Variants in MYT1 observed in about 807,000 individuals in gnomAD.
The protein encoded by MYT1 is myelin transcription factor 1.
Under a neutral mutation model 123.0 loss-of-function variants are expected in MYT1, and 23 were observed. The ratio of observed to expected loss-of-function variants is 0.19; its 90% CI spans 0.13 to 0.26. The LOEUF is 0.26. Ranked by LOEUF, MYT1 falls within the 10% of genes least tolerant of loss-of-function variation. MYT1 has a pLI of 1.00. For missense variants in MYT1, 1,125 were observed against 1,472.5 expected (o/e 0.76, Z 3.86); for synonymous variants, 518 against 575.3 (o/e 0.90, Z 1.43).
intron 2 of MYT1, among the ~76,000 whole-genome samples, chr20:64,198,614 C>G (rs1983201327): frequency 6.6e-6 from 1 of 152,210 alleles, no homozygotes; most frequent in Admixed American, 6.5e-5. Context: ...ACCCTCCTTG[C>G]CAAGGCCGGG....
At chr20:64,194,063 A>T (rs1983038170) in intron 2 of MYT1, among the ~76,000 whole-genome samples, 1 of 152,202 alleles carries the variant, frequency 6.6e-6, no homozygotes, top group African/African-American at 2.4e-5. Flanking sequence ...GGTTTCAGAG[A>T]TGTTTCTGAC....
chr20:64,205,628 G>A lies in MYT1; in HGVS notation c.225G>A (p.Lys75=). The change falls in exon 6 of 23, where the codon AAG becomes AAA. Residue 75 remains lysine (K), a synonymous_variant. Coordinates refer to ENST00000328439, the MANE Select transcript of MYT1 (RefSeq NM_004535.3). The stretch of plus-strand genomic sequence containing the variant: ...CTGAGCACCTGGTGTCCAAGAGGAA[G>A]TCACACCCCCTGAAGCTGGCTCTGG... ...AEAEHLVSKR[K]SHPLKLALDE... 6.2e-7 allele frequency: 1 copy of A among 1,614,228 alleles called. No individual in the cohort carries two copies. The highest frequency in any genetic ancestry group is 8.5e-7 in the Non-Finnish European group (1 of 1,180,046).
chr20:64,222,186 C>A, intron 14 of MYT1, 139 bp downstream of exon 14: 1 of 862,464 alleles, frequency 1.2e-6, no homozygotes, highest in Non-Finnish European at 1.8e-6. Context: ...GCCAGGCAGC[C>A]TGTGACAGGA....
At chr20:64,177,059 G>T (rs1358022269) in intron 1 of MYT1, among the ~76,000 whole-genome samples, 1 of 152,176 alleles carries the variant, frequency 6.6e-6, no homozygotes, top group African/African-American at 2.4e-5. Flanking sequence ...AGACAGCCTG[G>T]GTGAAAGGTC....
At chr20:64,176,949 T>C (rs567262958) in intron 1 of MYT1, among the ~76,000 whole-genome samples, 16 of 152,350 alleles carry the variant, frequency 1.1e-4, no homozygotes, top group African/African-American at 3.6e-4. Flanking sequence ...TTTACAGCGT[T>C]GGTAAGGTTA....
intron 19 of MYT1, among the ~76,000 whole-genome samples, chr20:64,235,980 G>A (rs545956159): frequency 7.1e-6 from 1 of 140,224 alleles, no homozygotes; most frequent in Admixed American, 6.9e-5. Flanking sequence ...GGATGGCCGC[G>A]GTGGGTGACC....
chr20:64,201,288 A>C (rs1033478222), intron 4 of MYT1, among the ~76,000 whole-genome samples: 3 of 152,232 alleles, frequency 2.0e-5, no homozygotes, highest in Non-Finnish European at 2.9e-5. Context: ...GGACCTGTCC[A>C]GTCTAAGTGA....
intron 6 of MYT1, 86 bp from the exon 7 acceptor site, chr20:64,207,508 G>A (rs1983515377): frequency 6.5e-7 from 1 of 1,538,050 alleles, no homozygotes. Context: ...AGGTCAGGTG[G>A]AGGGGTGGTG....
At chr20:64,181,640 C>T (rs1004990380) in intron 1 of MYT1, among the ~76,000 whole-genome samples, 1 of 152,156 alleles carries the variant, frequency 6.6e-6, no homozygotes, top group African/African-American at 2.4e-5. Flanking sequence ...CTGCTCTAAC[C>T]GCTGCCCACA....
chr20:64,170,884 T>TATATATATATATATATATAG (rs1569303821), intron 1 of MYT1, among the ~76,000 whole-genome samples: 1 of 20,002 alleles, frequency 5.0e-5, no homozygotes, highest in Non-Finnish European at 7.9e-5. Flanking sequence ...TATATATATA[T>TATATATATATATATATATAG]AGAGAGAGAG....
At position 64,213,274 on chromosome 20, in the gene MYT1, T is replaced by C. The variant is rs73916734; in HGVS notation, c.1518-260T>C. Among the ~76,000 whole-genome samples the C allele has an allele frequency of 2.3e-3, 356 of 152,296 alleles. 2 individuals are homozygous for C. Among genetic ancestry groups the C allele is most frequent in the African/African-American group, 8.1e-3 (338 of 41,550 alleles). ...AAGGCCTTTAGGATATATTTCATCT[T>C]TGTGTGTCCTTGGCATAGAATGTTC... On this transcript the variant is annotated intron_variant, in intron 9 of 22. Transcript: ENST00000328439. The surrounding 1 kb of genome is among the most constrained non-coding windows in gnomAD (Gnocchi z 5.6).
At chr20:64,219,155 C>G (rs1301999583) in intron 12 of MYT1, 120 bp downstream of exon 12, 1 of 1,339,614 alleles carries the variant, frequency 7.5e-7, no homozygotes, top group Non-Finnish European at 1.0e-6. Context: ...GCTGGCAATT[C>G]TCATTCTTAA....
At position 64,198,921 on chromosome 20, in the gene MYT1, G is replaced by A; in HGVS notation, c.55+5G>A. On this transcript the variant is annotated splice_donor_5th_base_variant and intron_variant, in intron 3 of 22. Transcript: ENST00000328439. Reference sequence around the variant, plus strand: ...CCCGATCCAAGGCCCTGCGAGGTGAGTGCCGCCCTCCCCTCCTCCAGGGCT... The same window carrying A: ...CCCGATCCAAGGCCCTGCGAGGTGAATGCCGCCCTCCCCTCCTCCAGGGCT... 1 of 1,613,942 alleles carries A rather than the reference G, an allele frequency of 6.2e-7. No individual in the cohort carries two copies.
At chr20:64,219,257 G>A (rs1255980697) in intron 12 of MYT1, among the ~76,000 whole-genome samples, 1 of 152,234 alleles carries the variant, frequency 6.6e-6, no homozygotes, top group East Asian at 1.9e-4. Flanking sequence ...GGGGGACCAA[G>A]GGCTGCGAAC....
At chr20:64,200,444 A>G (rs1335828250) in intron 4 of MYT1, among the ~76,000 whole-genome samples, 2 of 152,220 alleles carry the variant, frequency 1.3e-5, no homozygotes, top group Non-Finnish European at 2.9e-5. Flanking sequence ...GGCAGGGACC[A>G]TCTTACTGTT....
Position 64,218,754 on chromosome 20 carries a change from C to A in MYT1, c.1847-157C>A. ...GCCCTCCCATCCCTCCCAAAGTGCC[C>A]CCTCCCCACTGACTTGTCTGCATTG... On this transcript the variant is annotated intron_variant, in intron 11 of 22. Coordinates refer to ENST00000328439, the MANE Select transcript of MYT1 (RefSeq NM_004535.3). This position sits in a 1 kb window ranked among gnomAD's most constrained non-coding sequence, Gnocchi z 4.0. The A allele has an allele frequency of 1.0e-6, 1 of 964,576 alleles. No homozygotes were observed. Among genetic ancestry groups the A allele is most frequent in the Non-Finnish European group, 1.6e-6 (1 of 622,424 alleles). The allele number at this position is 964,576 out of a possible 1,614,324, so 59.8% of individuals were successfully genotyped here. A position where few individuals can be genotyped will look rare whatever the true frequency, so the allele number is the denominator to read the frequency against.
At chr20:64,205,505 C>T (rs1187520048) in intron 5 of MYT1, 48 bp from the exon 6 acceptor site, 1 of 1,600,776 alleles carries the variant, frequency 6.2e-7, no homozygotes, top group Non-Finnish European at 8.5e-7. Flanking sequence ...TCTGAGGCCT[C>T]TCGTGGCCCT....
chr20:64,242,063 G>A lies in MYT1; in HGVS notation c.*1615G>A, dbSNP rs1448090667. 6.6e-6 allele frequency: 1 copy of A among 152,556 alleles called. No homozygotes were observed. The highest frequency in any genetic ancestry group is 1.5e-5 in the Non-Finnish European group (1 of 68,044). 9.5% of individuals were successfully genotyped at this position (152,556 alleles called of 1,614,324 possible). ...TTTGCGTGTCGGCTCTTGCGGTGGA[G>A]TCCTGTTGCTGTGAGGGAGTGCTGG... is the stretch of plus-strand genomic sequence containing the variant. On this transcript the variant is annotated 3_prime_UTR_variant, in exon 23 of 23. Transcript: ENST00000328439.
At chr20:64,197,193 G>A (rs1260693538) in intron 2 of MYT1, among the ~76,000 whole-genome samples, 1 of 152,228 alleles carries the variant, frequency 6.6e-6, no homozygotes, top group East Asian at 1.9e-4. Flanking sequence ...GAGTCGGCAG[G>A]TTGCATAAAT....
Sources: gnomAD v4.1 joint callset for allele counts (sites outside exome capture counted in the v4.1 genomes callset) on GRCh38, gnomAD v4.1.1 for gene constraint, Gnocchi (gnomAD v3.1) non-coding constraint, MANE v1.5 for transcripts, NCBI Gene and HGNC (gene_info 2026-07-23, HGNC 2026-07-21) for gene names.